The following CLCN6 variants were observed in gnomAD, a reference collection of about 807,000 sequenced individuals.
CLCN6 encodes the protein H(+)/Cl(-) exchange transporter 6.
CLCN6 carries 70 observed loss-of-function variants against 109.8 expected under a neutral mutation model. The observed-to-expected ratio is 0.64, with a 90% CI of 0.53 to 0.78. The LOEUF (loss-of-function observed/expected upper bound fraction) is 0.78. CLCN6 is among the 30% of genes least tolerant of loss of function. The pLI is 0.00. For synonymous variants in CLCN6, 444 were observed against 447.8 expected (o/e 0.99, Z 0.11); for missense variants, 984 against 1,142.3 (o/e 0.86, Z 2.00).
chr1:11,831,643 C>A (rs948477117), intron 13 of CLCN6, among the ~76,000 whole-genome samples: 4 of 151,330 alleles, frequency 2.6e-5, no homozygotes, highest in African/African-American at 9.7e-5. Context: ...TTAAAGCATA[C>A]AAAAAACGAT....
chr1:11,832,580 A>T (rs955786393), intron 13 of CLCN6, among the ~76,000 whole-genome samples: 2 of 152,220 alleles, frequency 1.3e-5, no homozygotes, highest in Non-Finnish European at 2.9e-5. Flanking sequence ...GCATACGTCT[A>T]TATTGCCCAG....
In CLCN6 at chr1:11,806,191, A is replaced by C; in HGVS notation, c.-72A>C. 16 of 1,260,778 alleles carry C rather than the reference A, an allele frequency of 1.3e-5. No individual in the cohort carries two copies. The highest frequency in any genetic ancestry group is 3.1e-5 in the African/African-American group (2 of 63,902). 78.1% of individuals were successfully genotyped at this position (1,260,778 alleles called of 1,614,324 possible). A position where few individuals can be genotyped will look rare whatever the true frequency, so the allele number is the denominator to read the frequency against. ...AGGGCCACGTGACCGTCCCGGGGCC[A>C]GTCACGTGAGGCGCAGATCCTGGCT... On this transcript the variant is annotated 5_prime_UTR_variant, in exon 1 of 23. Coordinates refer to ENST00000346436, the MANE Select transcript of CLCN6 (RefSeq NM_001286.5).
In CLCN6 at chr1:11,828,554, T is replaced by C. The variant is rs1471305744; in HGVS notation, c.1051T>C (p.Phe351Leu). The C allele has an allele frequency of 6.2e-7, 1 of 1,614,058 alleles. No homozygotes were observed. The highest frequency in any genetic ancestry group is 1.3e-5 in the African/African-American group (1 of 74,926). The change falls in exon 12 of 23, where the codon TTC becomes CTC. Residue 351 changes from phenylalanine (F) to leucine (L), a missense_variant. Physicochemically the swap from Phe to Leu is conservative, Grantham distance 22 (BLOSUM62 0). Transcript: ENST00000346436. ...GVIGGLLGATFNCLNKRLAKY... is the reference protein window; with the variant it reads ...GVIGGLLGATLNCLNKRLAKY... ...CATTGGGGGCCTCCTGGGAGCCACATTCAACTGTCTGAACAAGAGGCTTGC... is the reference window on the plus strand; with the variant it reads ...CATTGGGGGCCTCCTGGGAGCCACACTCAACTGTCTGAACAAGAGGCTTGC...
chr1:11,824,374 C>G (rs1644784713), intron 7 of CLCN6, 112 bp from the exon 8 acceptor site: 6 of 759,934 alleles, frequency 7.9e-6, no homozygotes, highest in Admixed American at 4.9e-5. Context: ...CTTATAAAGT[C>G]TTAGGATCAT....
At position 11,829,199 on chromosome 1, in the gene CLCN6, C is replaced by T. The variant is rs1382452265; in HGVS notation, c.1125C>T (p.Val375=). ...NVHPKPKLVR[V]LESLLVSLVT... ...ACAGCTGTGCTTTGCCTCCTAGAGT[C>T]TTAGAGAGCCTCCTTGTGTCTCTGG... The change falls in exon 13 of 23, where the codon GTC becomes GTT. Residue 375 remains valine, a synonymous_variant. Coordinates refer to ENST00000346436, the MANE Select transcript of CLCN6 (RefSeq NM_001286.5). The T allele has an allele frequency of 6.2e-7, 1 of 1,613,844 alleles. No individual in the cohort carries two copies. The highest frequency in any genetic ancestry group is 1.3e-5 in the African/African-American group (1 of 74,902).
intron 3 of CLCN6, 84 bp downstream of exon 3, chr1:11,815,995 A>G (rs758115585): frequency 1.0e-6 from 1 of 988,566 alleles, no homozygotes. Context: ...CCCAGTAAAC[A>G]TCTTTACACC....
intron 2 of CLCN6, among the ~76,000 whole-genome samples, chr1:11,808,213 A>ATG (rs1376665624): frequency 2.4e-5 from 3 of 123,446 alleles, no homozygotes; most frequent in East Asian, 2.3e-4. Flanking sequence ...TTTTTATTGT[A>ATG]TGTGTGTGTG....
At chr1:11,828,922 T>C (rs1644846754) in intron 12 of CLCN6, among the ~76,000 whole-genome samples, 3 of 152,218 alleles carry the variant, frequency 2.0e-5, no homozygotes, top group Admixed American at 1.3e-4. Context: ...TCAGGAGGCT[T>C]CTCGCCCCAG....
chr1:11,839,670 A>G (rs966506112), intron 22 of CLCN6, among the ~76,000 whole-genome samples: 2 of 152,240 alleles, frequency 1.3e-5, no homozygotes, highest in Non-Finnish European at 2.9e-5. Flanking sequence ...TGCCAACTAC[A>G]CTGACAGAGT....
intron 22 of CLCN6, among the ~76,000 whole-genome samples, chr1:11,839,257 G>A (rs1570545169): frequency 6.6e-6 from 1 of 152,150 alleles, no homozygotes; most frequent in African/African-American, 2.4e-5. Context: ...GTCTTTTGTT[G>A]TTGTTGCTGT....
At chr1:11,819,344 G>T in intron 4 of CLCN6, 144 bp from the exon 5 acceptor site, 1 of 736,974 alleles carries the variant, frequency 1.4e-6, no homozygotes. Context: ...GCGCTTTTCT[G>T]CTGTGCATTC....
rs1166783594 is a variant in CLCN6 at position 11,840,208 on chromosome 1, C to T, written c.2595C>T (p.His865=). Residue 865 remains histidine, a synonymous_variant, in exon 23 of 23, where the codon CAC becomes CAT. Coordinates refer to ENST00000346436, the MANE Select transcript of CLCN6 (RefSeq NM_001286.5). The part of the protein sequence containing the change: ...YEFLQARLRQ[H]YQTI ...TTCTGCAGGCCCGGCTGAGGCAGCACTACCAGACCATCTGACAGCCCAGCC... is the reference window on the plus strand; with the variant it reads ...TTCTGCAGGCCCGGCTGAGGCAGCATTACCAGACCATCTGACAGCCCAGCC... The T allele has an allele frequency of 6.2e-7, 1 of 1,613,144 alleles. No homozygotes were observed. The highest frequency in any genetic ancestry group is 8.5e-7 in the Non-Finnish European group (1 of 1,179,968).
rs767425938 is a variant in CLCN6, at chr1:11,823,774, T to A, written c.521T>A (p.Ile174Asn). ...CYLNGVKVPG[I>N]VRLRTLLCKV... ...CTGAATGGCGTAAAGGTGCCAGGAA[T>A]CGTCCGTCTCCGGACCCTGCTCTGC... Residue 174 changes from isoleucine (I) to asparagine (N), a missense_variant, in exon 7 of 23, where the codon ATC becomes AAC. Physicochemically the swap from Ile to Asn is moderately radical, Grantham distance 149. Transcript: ENST00000346436. The A allele has an allele frequency of 3.1e-6, 5 of 1,614,260 alleles. No homozygotes were observed. The highest frequency in any genetic ancestry group is 8.5e-7 in the Non-Finnish European group (1 of 1,180,046).
At chr1:11,824,424 G>A in intron 7 of CLCN6, 62 bp from the exon 8 acceptor site, 4 of 1,372,134 alleles carry the variant, frequency 2.9e-6, no homozygotes, top group Non-Finnish European at 4.1e-6. Flanking sequence ...TGTAGCCAAG[G>A]TCTCCTGACC....
intron 20 of CLCN6, 35 bp from the exon 21 acceptor site, chr1:11,838,300 C>G (rs527517914): frequency 6.3e-7 from 1 of 1,595,404 alleles, no homozygotes; most frequent in African/African-American, 1.3e-5. Flanking sequence ...GCCACTGCTG[C>G]CTGAGCACGG....
chr1:11,826,923 G>T (rs1007597229), intron 9 of CLCN6, among the ~76,000 whole-genome samples, 166 bp from the exon 10 acceptor site: 6 of 150,682 alleles, frequency 4.0e-5, no homozygotes, highest in African/African-American at 1.5e-4. Flanking sequence ...TGGCTCTCGG[G>T]TGGACACACT....
chr1:11,826,089 C>A, intron 8 of CLCN6, 67 bp from the exon 9 acceptor site: 12 of 1,073,696 alleles, frequency 1.1e-5, no homozygotes, highest in Non-Finnish European at 1.7e-5. Context: ...TCCATAATTA[C>A]TGGGGTACAG....
In CLCN6 at chr1:11,806,293, T is replaced by G; in HGVS notation, c.31T>G (p.Cys11Gly). 3 of 1,508,432 alleles carry G rather than the reference T, an allele frequency of 2.0e-6. No homozygotes were observed. Among genetic ancestry groups the G allele is most frequent in the Non-Finnish European group, 2.6e-6 (3 of 1,139,604 alleles). The allele number at this position is 1,508,432 out of a possible 1,614,324, so 93.4% of individuals were successfully genotyped here. ...GGGGTGCAGGGGGTCTCTGTGCTGC[T>G]GCTGCAGGTGGTGCTGCTGCTGCGG... MAGCRGSLCC[C>G]CRWCCCCGER... The change falls in exon 1 of 23, where the codon TGC becomes GGC. Residue 11 changes from cysteine to glycine, a missense_variant. Transcript: ENST00000346436.
In CLCN6 at chr1:11,829,390, C is replaced by A. The variant is rs543111009; in HGVS notation, c.1248+68C>A. 1.2e-5 allele frequency: 19 copies of A among 1,580,482 alleles called. No individual in the cohort carries two copies. In the East Asian group the frequency reaches 4.3e-4, roughly 35 times the overall value. ...AAGAATCCAGAAATGTATGACCTTCCTCTGTTGAGAACTAATAGATATGTT... is the reference window on the plus strand; with the variant it reads ...AAGAATCCAGAAATGTATGACCTTCATCTGTTGAGAACTAATAGATATGTT... On this transcript the variant is annotated intron_variant, in intron 13 of 22. Transcript: ENST00000346436.
Sources: gnomAD v4.1 joint callset for allele counts (sites outside exome capture counted in the v4.1 genomes callset) on GRCh38, gnomAD v4.1.1 for gene constraint, MANE v1.5 for transcripts, NCBI Gene and HGNC (gene_info 2026-07-23, HGNC 2026-07-21) for gene names.